Variants in ROBO2 observed in about 807,000 individuals in gnomAD.
ROBO2 encodes roundabout guidance receptor 2.
ROBO2 carries 53 observed loss-of-function variants against 160.8 expected under a neutral mutation model. The observed-to-expected ratio is 0.33, with a 90% CI of 0.26 to 0.41. ROBO2 has a LOEUF of 0.41. ROBO2 is among the 10% of genes least tolerant of loss of function. The pLI is 1.00. For synonymous variants in ROBO2, 664 were observed against 611.7 expected, an observed-to-expected ratio of 1.09 and a Z score of -1.26; for missense variants, 1,577 against 1,722.4, an observed-to-expected ratio of 0.92 and a Z score of 1.49.
At chr3:75,993,562 C>G (rs1158419669) in intron 2 of ROBO2, among the ~76,000 whole-genome samples, 2 of 152,128 alleles carry the variant, frequency 1.3e-5, no homozygotes, top group African/African-American at 4.8e-5. Flanking sequence ...TAATTGATTT[C>G]TAGGACTAGT....
At chr3:76,055,280 G>A (rs1347066131) in intron 2 of ROBO2, among the ~76,000 whole-genome samples, 1 of 152,154 alleles carries the variant, frequency 6.6e-6, no homozygotes, top group Non-Finnish European at 1.5e-5. Context: ...TGAGATTTGG[G>A]TGGGGACACA....
intron 2 of ROBO2, among the ~76,000 whole-genome samples, chr3:76,691,531 A>G (rs1047966120): frequency 2.0e-5 from 3 of 152,172 alleles, no homozygotes; most frequent in African/African-American, 7.2e-5. Context: ...GAAAAAAATG[A>G]TAATTGGGAA....
intron 2 of ROBO2, among the ~76,000 whole-genome samples, chr3:76,323,156 C>T (rs1354738171): frequency 4.0e-5 from 6 of 151,386 alleles, no homozygotes; most frequent in Admixed American, 1.3e-4. Flanking sequence ...CACACACACA[C>T]ACACACACAC....
chr3:76,460,961 G>C (rs1165718893), intron 2 of ROBO2, among the ~76,000 whole-genome samples: 1 of 152,112 alleles, frequency 6.6e-6, no homozygotes, highest in East Asian at 1.9e-4. Context: ...CAGAAACAAA[G>C]CCATGCATCG....
intron 6 of ROBO2, among the ~76,000 whole-genome samples, chr3:77,541,828 C>T (rs1333869340): frequency 6.6e-6 from 1 of 152,160 alleles, no homozygotes; most frequent in Middle Eastern, 3.2e-3. Context: ...GTCTCAGAGA[C>T]ATATAGGAGA....
At chr3:76,191,017 C>T (rs1247536241) in intron 2 of ROBO2, among the ~76,000 whole-genome samples, 1 of 152,064 alleles carries the variant, frequency 6.6e-6, no homozygotes, top group East Asian at 1.9e-4. Context: ...ATTAATCGCA[C>T]ATTAAGAGCG....
intron 2 of ROBO2, among the ~76,000 whole-genome samples, chr3:77,392,791 T>C (rs2074874265): frequency 6.6e-6 from 1 of 152,194 alleles, no homozygotes; most frequent in African/African-American, 2.4e-5. Flanking sequence ...TTTTTATTCC[T>C]AACAGAAGCT....
chr3:77,562,509 A>G (rs1254882450), intron 9 of ROBO2, 142 bp from the exon 11 acceptor site: 4 of 625,962 alleles, frequency 6.4e-6, no homozygotes, highest in South Asian at 1.7e-5. Context: ...TTATGTATAC[A>G]TATGATTGAC....
chr3:77,383,732 T>G (rs2073802804), intron 2 of ROBO2, among the ~76,000 whole-genome samples: 1 of 135,936 alleles, frequency 7.4e-6, no homozygotes, highest in African/African-American at 2.7e-5. Flanking sequence ...AAGTGCCTCC[T>G]TTGAGAAACT....
At chr3:75,929,353 ATCTTAATTTTT>A (rs1947434006) in intron 1 of ROBO2, among the ~76,000 whole-genome samples, 1 of 152,180 alleles carries the variant, frequency 6.6e-6, no homozygotes, top group Non-Finnish European at 1.5e-5. Flanking sequence ...TTTGTGTTAA[ATCTTAATTTTT>A]TGCAGAATTT....
intron 2 of ROBO2, among the ~76,000 whole-genome samples, chr3:76,028,290 C>A (rs2066808608): frequency 6.6e-6 from 1 of 151,860 alleles, no homozygotes; most frequent in Non-Finnish European, 1.5e-5. Flanking sequence ...AAACTAGGCC[C>A]TCTTCCATGA....
At chr3:76,433,742 C>A (rs2076541732) in intron 2 of ROBO2, among the ~76,000 whole-genome samples, 1 of 152,128 alleles carries the variant, frequency 6.6e-6, no homozygotes, top group Non-Finnish European at 1.5e-5. Flanking sequence ...CGCATAATAG[C>A]CAAGCTTCCA....
intron 1 of ROBO2, among the ~76,000 whole-genome samples, chr3:75,935,611 G>C (rs909196713): frequency 6.6e-6 from 1 of 152,130 alleles, no homozygotes; most frequent in Non-Finnish European, 1.5e-5. Flanking sequence ...AAATATACTT[G>C]TATGTTCAAC....
intron 1 of ROBO2, among the ~76,000 whole-genome samples, chr3:77,068,818 C>A (rs963165093): frequency 5.9e-5 from 9 of 152,066 alleles, no homozygotes; most frequent in African/African-American, 2.2e-4. Flanking sequence ...AACATATTAT[C>A]TAAAATAAAG....
At chr3:76,444,069 G>A (rs1054586305) in intron 2 of ROBO2, among the ~76,000 whole-genome samples, 4 of 151,954 alleles carry the variant, frequency 2.6e-5, no homozygotes, top group Admixed American at 6.6e-5. Flanking sequence ...AGGTTCAAGC[G>A]ATTCTCCTGC....
At chr3:77,067,580 T>G (rs1578682509) in intron 1 of ROBO2, among the ~76,000 whole-genome samples, 1 of 152,142 alleles carries the variant, frequency 6.6e-6, no homozygotes, top group East Asian at 1.9e-4. Flanking sequence ...GAGAATAGCA[T>G]TAAGCAAGGT....
At chr3:76,095,135 G>A (rs1323950198) in intron 2 of ROBO2, among the ~76,000 whole-genome samples, 1 of 152,024 alleles carries the variant, frequency 6.6e-6, no homozygotes, top group Non-Finnish European at 1.5e-5. Flanking sequence ...AGACTAAGAT[G>A]CAAAAGACAC....
chr3:77,101,032 G>A (rs1469245943), intron 2 of ROBO2, among the ~76,000 whole-genome samples: 2 of 152,170 alleles, frequency 1.3e-5, no homozygotes, highest in Non-Finnish European at 2.9e-5. Context: ...TGGAAAGGTA[G>A]GCATGTGCTG....
intron 2 of ROBO2, among the ~76,000 whole-genome samples, chr3:76,245,320 T>C (rs777310621): frequency 6.6e-6 from 1 of 152,178 alleles, no homozygotes; most frequent in African/African-American, 2.4e-5. Context: ...TGCTGTGTTT[T>C]CTATGTGCAG....
Sources: allele counts gnomAD v4.1 joint callset (sites outside exome capture counted in the v4.1 genomes callset), GRCh38; gene constraint gnomAD v4.1.1; transcripts MANE v1.5; gene names NCBI Gene and HGNC (gene_info 2026-07-23, HGNC 2026-07-21).